The following DDX49 variants were observed in gnomAD, a reference collection of about 807,000 sequenced individuals.
DDX49 encodes the protein DEAD-box helicase 49, also known as probable ATP-dependent RNA helicase DDX49.
DDX49 carries 50 observed loss-of-function variants against 56.3 expected under a neutral mutation model. The observed-to-expected ratio is 0.89, with a 90% CI of 0.71 to 1.12. DDX49 has a LOEUF of 1.12. Ranked by LOEUF, DDX49 falls within the 50% of genes most tolerant of loss-of-function variation. DDX49 has a pLI of 0.00. For missense variants in DDX49, 614 were observed against 650.5 expected, an observed-to-expected ratio of 0.94 and a Z score of 0.61; for synonymous variants, 269 against 270.6, an observed-to-expected ratio of 0.99 and a Z score of 0.06.
At chr19:18,924,522 A>C in intron 7 of DDX49, 101 bp from the exon 8 acceptor site, 8 of 1,364,248 alleles carry the variant, frequency 5.9e-6, no homozygotes, top group Non-Finnish European at 8.3e-6. Context: ...ACCTTCCTCA[A>C]TGGACGGCTG....
Position 18,922,530 on chromosome 19 carries a change from G to A in DDX49, c.635+17G>A. ...ACAGGCCCCGTGAGTCCACAGCCCA[G>A]ACAGCGTGGGGAGGGCAGCCCCATC... On this transcript the variant is annotated intron_variant, in intron 5 of 12. Transcript: ENST00000247003. The A allele has an allele frequency of 6.3e-7, 1 of 1,598,316 alleles. No homozygotes were observed.
chr19:18,926,320 A>G lies in DDX49; in HGVS notation c.1045A>G (p.Ile349Val), dbSNP rs2056960312. 5 of 1,573,314 alleles carry G rather than the reference A, an allele frequency of 3.2e-6. No homozygotes were observed. The highest frequency in any genetic ancestry group is 4.3e-6 in the Non-Finnish European group (5 of 1,159,584). ...TARAGRQGQAITLVTQYDIHL... is the reference protein window; with the variant it reads ...TARAGRQGQAVTLVTQYDIHL... ...CCCCACAGGGCGGCAGGGTCAGGCC[A>G]TCACGCTGGTGACACAGTACGACAT... The change falls in exon 10 of 13, where the codon ATC becomes GTC. Residue 349 changes from isoleucine (I) to valine (V), a missense_variant. By Grantham distance (29) the Ile-to-Val change is conservative. Transcript: ENST00000247003.
At chr19:18,926,452 AT>A in intron 10 of DDX49, 75 bp downstream of exon 10, 3 of 1,243,560 alleles carry the variant, frequency 2.4e-6, no homozygotes, top group Admixed American at 2.0e-5. Context: ...GGTGAGACCC[AT>A]TTTCCCGTCA....
Position 18,921,852 on chromosome 19 carries a change from C to T in DDX49, c.335C>T (p.Ala112Val). 1 of 1,613,944 alleles carries T rather than the reference C, an allele frequency of 6.2e-7. No individual in the cohort carries two copies. Among genetic ancestry groups the T allele is most frequent in the Non-Finnish European group, 8.5e-7 (1 of 1,179,954 alleles). ...CIIVGGMDMV[A>V]QALELSRKPH... ...ATGCTCTGTCCCCCAGACATGGTGG[C>T]CCAGGCGCTGGAGCTCTCTCGGAAA... The change falls in exon 4 of 13, where the codon GCC becomes GTC. Residue 112 changes from alanine to valine, a missense_variant. Physicochemically the swap from Ala to Val is moderately conservative, Grantham distance 64. Coordinates refer to ENST00000247003, the MANE Select transcript of DDX49 (RefSeq NM_019070.5).
chr19:18,920,993 T>G, intron 2 of DDX49: 1 of 200,122 alleles, frequency 5.0e-6, no homozygotes, highest in East Asian at 1.3e-4. Flanking sequence ...ATACAAAAAA[T>G]TAGCTGGGCA....
intron 5 of DDX49, 25 bp from the exon 6 acceptor site, chr19:18,922,579 T>C (rs757519520): frequency 1.2e-6 from 2 of 1,603,744 alleles, no homozygotes; most frequent in South Asian, 1.1e-5. Context: ...CACTGAGGCG[T>C]GGCGGTCTAT....
Position 18,920,667 on chromosome 19 carries a change from C to T in DDX49, c.203C>T (p.Pro68Leu). The T allele has an allele frequency of 2.5e-6, 4 of 1,610,264 alleles. No homozygotes were observed. The highest frequency in any genetic ancestry group is 3.4e-6 in the Non-Finnish European group (4 of 1,176,866). Residue 68 changes from proline to leucine, a missense_variant, in exon 2 of 13, where the codon CCC (proline) becomes CTC (leucine). Coordinates refer to ENST00000247003, the MANE Select transcript of DDX49 (RefSeq NM_019070.5). ...LPILQKLSED[P>L]YGIFCLVLTP... The stretch of plus-strand genomic sequence containing the variant: ...ATCTTGCAGAAGCTGTCTGAGGATC[C>T]CTATGGCATCTTCTGCCTCGTCCTG...
At chr19:18,920,135 C>T (rs1194328443) in intron 1 of DDX49, among the ~76,000 whole-genome samples, 1 of 152,222 alleles carries the variant, frequency 6.6e-6, no homozygotes, top group African/African-American at 2.4e-5. Flanking sequence ...ATCGCAAAAT[C>T]CTGCAGACCT....
chr19:18,926,335 C>T lies in DDX49; in HGVS notation c.1060C>T (p.Gln354Ter). The T allele has an allele frequency of 1.3e-6, 2 of 1,566,200 alleles. No homozygotes were observed. Among genetic ancestry groups the T allele is most frequent in the African/African-American group, 1.4e-5 (1 of 72,688 alleles). Reference sequence around the variant, plus strand: ...GGGTCAGGCCATCACGCTGGTGACACAGTACGACATCCACCTGGTGCACGC... The same window carrying T: ...GGGTCAGGCCATCACGCTGGTGACATAGTACGACATCCACCTGGTGCACGC... ...RQGQAITLVT[Q>*]YDIHLVHAIE... The change falls in exon 10 of 13, where the codon CAG becomes TAG. Residue 354 changes from glutamine (Q) to a stop codon, truncating the protein, a stop_gained. Coordinates refer to ENST00000247003, the MANE Select transcript of DDX49 (RefSeq NM_019070.5). LOFTEE classifies it high-confidence loss of function.
At chr19:18,922,089 C>T (rs982065018) in intron 4 of DDX49, 125 bp downstream of exon 4, 30 of 1,355,504 alleles carry the variant, frequency 2.2e-5, no homozygotes, top group African/African-American at 4.4e-5. Context: ...TCCAGTAAAA[C>T]GCTAGGAACA....
chr19:18,922,749 G>T lies in DDX49; in HGVS notation c.776+5G>T, dbSNP rs1262776202. The T allele has an allele frequency of 5.6e-6, 9 of 1,594,112 alleles. No individual in the cohort carries two copies. Among genetic ancestry groups the T allele is most frequent in the Non-Finnish European group, 7.7e-6 (9 of 1,169,904 alleles). On this transcript the variant is annotated splice_donor_5th_base_variant and intron_variant, in intron 6 of 12. Transcript: ENST00000247003. The stretch of plus-strand genomic sequence containing the variant: ...CATCTTCACCAACACGTGCAAGTGA[G>T]CGGGGCCCGCCTCTCCCCTCCCACC...
intron 10 of DDX49, 36 bp from the exon 11 acceptor site, chr19:18,927,730 T>TCCC: frequency 4.1e-5 from 64 of 1,561,074 alleles, no homozygotes; most frequent in Non-Finnish European, 5.0e-5. Flanking sequence ...TCACGTCTCC[T>TCCC]CCCCACCCCC....
chr19:18,927,660 A>C, intron 10 of DDX49, 106 bp from the exon 11 acceptor site: 1 of 882,158 alleles, frequency 1.1e-6, no homozygotes, highest in Non-Finnish European at 1.8e-6. Flanking sequence ...ATGGCCCCAG[A>C]TGGCCTTGCA....
At chr19:18,925,263 A>G (rs1405369928) in intron 9 of DDX49, 7 of 339,622 alleles carry the variant, frequency 2.1e-5, no homozygotes, top group Non-Finnish European at 3.3e-5. Flanking sequence ...CCAAAAAAAT[A>G]AAATAAAATA....
chr19:18,924,484 A>G (rs1303334633), intron 7 of DDX49, 139 bp from the exon 8 acceptor site: 3 of 1,109,620 alleles, frequency 2.7e-6, no homozygotes, highest in East Asian at 4.9e-5. Flanking sequence ...GCCGTCATTC[A>G]TTTGTCCCGG....
rs111977431 is a variant in DDX49 at position 18,924,329 on chromosome 19, G to A, written c.852+21G>A. The A allele has an allele frequency of 3.7e-5, 58 of 1,578,708 alleles. No individual in the cohort carries two copies. The African/African-American group carries it at 6.1e-4, about 16-fold the overall frequency. On this transcript the variant is annotated intron_variant, in intron 7 of 12. Coordinates refer to ENST00000247003, the MANE Select transcript of DDX49 (RefSeq NM_019070.5). ...AGCAGGTGAGGCCACCCTGGGGCCCGCCAGCCTCACCCTGGGATACCTTCC... is the reference window on the plus strand; with the variant it reads ...AGCAGGTGAGGCCACCCTGGGGCCCACCAGCCTCACCCTGGGATACCTTCC...
rs2056930254 is a variant in DDX49, at chr19:18,922,797, C to A, written c.776+53C>A. 5 of 1,587,972 alleles carry A rather than the reference C, an allele frequency of 3.1e-6. No individual in the cohort carries two copies. In the Admixed American group the frequency reaches 5.1e-5, roughly 16 times the overall value. On this transcript the variant is annotated intron_variant, in intron 6 of 12. Transcript: ENST00000247003. ...ACCGCCCTTCAAAGGAGGAGGTGGC[C>A]CGACGTCTTTGGTCTGGGACACACA...
chr19:18,920,636 C>T lies in DDX49; in HGVS notation c.172C>T (p.Leu58Phe), dbSNP rs116507095. 6.8e-6 allele frequency: 11 copies of T among 1,611,816 alleles called. No individual in the cohort carries two copies. Among genetic ancestry groups the T allele is most frequent in the Non-Finnish European group, 9.3e-6 (11 of 1,178,094 alleles). Residue 58 changes from leucine (L) to phenylalanine (F), a missense_variant, in exon 2 of 13, where the codon CTT (leucine) becomes TTT (phenylalanine). Leu to Phe is a conservative substitution (Grantham distance 22). Transcript: ENST00000247003. ...TGSGKTAAFVLPILQKLSEDP... is the reference protein window; with the variant it reads ...TGSGKTAAFVFPILQKLSEDP... Reference sequence around the variant, plus strand: ...CAGTGGGAAGACAGCAGCGTTTGTCCTTCCCATCTTGCAGAAGCTGTCTGA... The same window carrying T: ...CAGTGGGAAGACAGCAGCGTTTGTCTTTCCCATCTTGCAGAAGCTGTCTGA...
In DDX49 at chr19:18,919,860, A is replaced by C; in HGVS notation, c.115+4A>C. On this transcript the variant is annotated splice_donor_region_variant and intron_variant, in intron 1 of 12. Coordinates refer to ENST00000247003, the MANE Select transcript of DDX49 (RefSeq NM_019070.5). ...TGCATCCCCGCCATCCTGGAGGGTG[A>C]GTATGGCCCAGGGCCTTCCCCAAGA... The C allele has an allele frequency of 1.3e-6, 2 of 1,590,896 alleles. No individual in the cohort carries two copies. Among genetic ancestry groups the C allele is most frequent in the Non-Finnish European group, 1.7e-6 (2 of 1,161,374 alleles).
Sources: gnomAD v4.1 joint callset for allele counts (sites outside exome capture counted in the v4.1 genomes callset) on GRCh38, gnomAD v4.1.1 for gene constraint, MANE v1.5 for transcripts, NCBI Gene and HGNC (gene_info 2026-07-23, HGNC 2026-07-21) for gene names.